Variants in DNAH9 observed in about 807,000 individuals in gnomAD.
The protein encoded by DNAH9 is DNAH9 variant protein.
Under a neutral mutation model 471.6 loss-of-function variants are expected in DNAH9, and 345 were observed. The ratio of observed to expected loss-of-function variants is 0.73; its 90% confidence interval spans 0.67 to 0.80. The LOEUF is 0.80. Among genes scored for constraint, DNAH9 ranks in the 30% least tolerant of loss-of-function variants. The pLI is 0.00. For missense variants in DNAH9, 5,407 were observed against 5,609.2 expected (o/e 0.96, Z 1.15); for synonymous variants, 2,093 against 2,123.6 (o/e 0.99, Z 0.40).
At chr17:11,646,175 G>A (rs1015676545) in intron 11 of DNAH9, among the ~76,000 whole-genome samples, 28 of 135,978 alleles carry the variant, frequency 2.1e-4, no homozygotes, top group South Asian at 4.7e-4. Context: ...CACCACGCCT[G>A]GCTAATTTTT....
chr17:11,830,804 G>A (rs1011324986), intron 48 of DNAH9, among the ~76,000 whole-genome samples: 3 of 152,184 alleles, frequency 2.0e-5, no homozygotes, highest in Non-Finnish European at 2.9e-5. Flanking sequence ...CTAGAGACTT[G>A]CATGATATTC....
Position 11,694,769 on chromosome 17 carries a change from C to T in DNAH9, c.4872+322C>T, listed in dbSNP as rs377660628. ...CTTTCTTTCCTTCCTTCCTTCCTTCCTTCCTTCCTTCTTTCTTTCTTTCTT... is the reference window on the plus strand; with the variant it reads ...CTTTCTTTCCTTCCTTCCTTCCTTCTTTCCTTCCTTCTTTCTTTCTTTCTT... On this transcript the variant is annotated intron_variant, in intron 22 of 68. Transcript: ENST00000262442. Among the ~76,000 whole-genome samples, 5 of 2,842 alleles carry T rather than the reference C, an allele frequency of 1.8e-3. 1 individual carries two copies. The highest frequency in any genetic ancestry group is 5.5e-3 in the Non-Finnish European group (4 of 726). 1.9% of individuals were successfully genotyped at this position (2,842 alleles called of 152,430 possible).
rs2150680040 is a variant in DNAH9 at position 11,636,732 on chromosome 17, G to A, written c.1734G>A (p.Leu578=). The part of the protein sequence containing the change: ...LVLIQMFNKD[L]DAVRMIYSQH... ...TCATCCAAATGTTCAACAAAGATCT[G>A]GATGCAGTGAGGATGATCTACAGTC... is the stretch of plus-strand genomic sequence containing the variant. The change falls in exon 9 of 69, where the codon CTG becomes CTA. Residue 578 remains leucine (L), a synonymous_variant. Transcript: ENST00000262442. The A allele has an allele frequency of 6.2e-7, 1 of 1,613,986 alleles. No homozygotes were observed. Among genetic ancestry groups the A allele is most frequent in the Non-Finnish European group, 8.5e-7 (1 of 1,179,868 alleles).
intron 61 of DNAH9, among the ~76,000 whole-genome samples, chr17:11,909,000 C>T (rs1049072786): frequency 1.3e-5 from 2 of 152,166 alleles, no homozygotes; most frequent in Admixed American, 1.3e-4. Flanking sequence ...CCTGTTGGTA[C>T]GATGCCTTTT....
intron 4 of DNAH9, among the ~76,000 whole-genome samples, chr17:11,615,645 C>A (rs1177309310): frequency 6.6e-6 from 1 of 151,950 alleles, no homozygotes; most frequent in Non-Finnish European, 1.5e-5. Flanking sequence ...CTTCATATGC[C>A]TTGTCATCCA....
chr17:11,828,213 CCTGTAATCCCA>C (rs1970569435), intron 48 of DNAH9, among the ~76,000 whole-genome samples: 1 of 152,044 alleles, frequency 6.6e-6, no homozygotes, highest in Non-Finnish European at 1.5e-5. Context: ...GTGGCTCACA[CCTGTAATCCCA>C]GCACTTTGGG....
In DNAH9 at chr17:11,629,414, T is replaced by C; in HGVS notation, c.1351-3T>C. 3.7e-6 allele frequency: 6 copies of C among 1,613,454 alleles called. No homozygotes were observed. The highest frequency in any genetic ancestry group is 5.1e-6 in the Non-Finnish European group (6 of 1,179,528). On this transcript the variant is annotated splice_polypyrimidine_tract_variant and splice_region_variant and intron_variant, in intron 6 of 68. Transcript: ENST00000262442. Reference sequence around the variant, plus strand: ...TTAACTTTTTTGTGAATTGTCCCCATAGGGTCTTCTGAAGACGGCCCTGGA... The same window carrying C: ...TTAACTTTTTTGTGAATTGTCCCCACAGGGTCTTCTGAAGACGGCCCTGGA...
At chr17:11,959,863 T>C (rs1975932636) in intron 67 of DNAH9, among the ~76,000 whole-genome samples, 1 of 151,702 alleles carries the variant, frequency 6.6e-6, no homozygotes, top group Admixed American at 6.6e-5. Flanking sequence ...GGGGAAAATG[T>C]TTGTAATTCA....
intron 35 of DNAH9, among the ~76,000 whole-genome samples, chr17:11,761,000 A>G (rs1267237982): frequency 6.6e-6 from 1 of 152,242 alleles, no homozygotes; most frequent in Non-Finnish European, 1.5e-5. Context: ...GTGTCATGTC[A>G]ACAGATAATA....
intron 39 of DNAH9, among the ~76,000 whole-genome samples, 164 bp downstream of exon 39, chr17:11,781,338 G>T (rs1968658307): frequency 6.6e-6 from 1 of 152,246 alleles, no homozygotes; most frequent in South Asian, 2.1e-4. Flanking sequence ...CTATTTCCCA[G>T]AGTGGTTCCT....
At chr17:11,752,685 A>G (rs1967210194) in intron 32 of DNAH9, 148 bp from the exon 33 acceptor site, 3 of 447,524 alleles carry the variant, frequency 6.7e-6, no homozygotes, top group Non-Finnish European at 1.1e-5. Flanking sequence ...AAAGTAAAAT[A>G]AAATAAAAAT....
intron 17 of DNAH9, among the ~76,000 whole-genome samples, chr17:11,679,350 A>G (rs9902083): frequency 0.18 from 27,402 of 152,218 alleles, 2,626 homozygotes; most frequent in African/African-American, 0.23. Flanking sequence ...ATCGCAAGCC[A>G]TAATTCTCAT....
At chr17:11,664,091 A>ATTC (rs2073823834) in intron 14 of DNAH9, among the ~76,000 whole-genome samples, 1 of 152,194 alleles carries the variant, frequency 6.6e-6, no homozygotes, top group Admixed American at 6.5e-5. Context: ...ATAACTGGAA[A>ATTC]GTTGCTGTAA....
chr17:11,653,979 G>A (rs1567694202), intron 14 of DNAH9, among the ~76,000 whole-genome samples: 1 of 151,952 alleles, frequency 6.6e-6, no homozygotes, highest in Non-Finnish European at 1.5e-5. Flanking sequence ...CGAATACCAA[G>A]AAAATGTAAG....
chr17:11,679,756 G>A lies in DNAH9; in HGVS notation c.3354-1G>A, dbSNP rs969193071. ...CCTCATGTTCTGTTTGTGTTGATTA[G>A]CTTGGCCAACCTGGATGCGTTTATA... On this transcript the variant is annotated splice_acceptor_variant, in intron 17 of 68. Transcript: ENST00000262442. LOFTEE classifies it high-confidence loss of function. 2.5e-6 allele frequency: 4 copies of A among 1,610,774 alleles called. No individual in the cohort carries two copies. The highest frequency in any genetic ancestry group is 3.4e-6 in the Non-Finnish European group (4 of 1,177,008).
At position 11,737,481 on chromosome 17, in the gene DNAH9, G is replaced by A. The variant is rs537517640; in HGVS notation, c.5815-1399G>A. ...GCCCCAGCTTTTGGGTTTTGCTTCC[G>A]AGAACCTGAGAGGCTGGAAATTCCC... On this transcript the variant is annotated intron_variant, in intron 28 of 68. Transcript: ENST00000262442. 3.9e-5 allele frequency among the ~76,000 whole-genome samples: 6 copies of A among 152,250 alleles called. 1 individual carries two copies. In the South Asian group the frequency reaches 1.0e-3, roughly 26 times the overall value.
chr17:11,720,872 G>T (rs1045562104), intron 27 of DNAH9, among the ~76,000 whole-genome samples: 2 of 152,148 alleles, frequency 1.3e-5, no homozygotes, highest in African/African-American at 4.8e-5. Flanking sequence ...AACACATTAA[G>T]ATAATGTTTC....
Position 11,807,779 on chromosome 17 carries a change from T to C in DNAH9, c.8468T>C (p.Leu2823Pro). The C allele has an allele frequency of 6.2e-7, 1 of 1,613,918 alleles. No homozygotes were observed. Among genetic ancestry groups the C allele is most frequent in the South Asian group, 1.1e-5 (1 of 91,048 alleles). The change falls in exon 44 of 69, where the codon CTG becomes CCG. Residue 2823 changes from leucine to proline, a missense_variant. Physicochemically the swap from Leu to Pro is moderately conservative, Grantham distance 98 (BLOSUM62 -3). Coordinates refer to ENST00000262442, the MANE Select transcript of DNAH9 (RefSeq NM_001372.4). ...ILESPRGNAL[L>P]VGVGGSGKQS... ...GAGTCCCCGCGGGGAAATGCTCTGC[T>C]GGTTGGTGTAGGTGGGAGCGGCAAG...
chr17:11,816,916 G>A (rs560929038), intron 45 of DNAH9, among the ~76,000 whole-genome samples: 6 of 152,124 alleles, frequency 3.9e-5, no homozygotes, highest in South Asian at 2.1e-4. Context: ...AAAATTAGCC[G>A]GGTGTGGTGG....
Sources: allele counts gnomAD v4.1 joint callset (sites outside exome capture counted in the v4.1 genomes callset), GRCh38; gene constraint gnomAD v4.1.1; transcripts MANE v1.5; gene names NCBI Gene and HGNC (gene_info 2026-07-23, HGNC 2026-07-21).